Variants in ROBO2 observed in about 807,000 individuals in gnomAD.
ROBO2 encodes roundabout guidance receptor 2.
ROBO2 carries 53 observed loss-of-function variants against 160.8 expected under a neutral mutation model. The ratio of observed to expected loss-of-function variants is 0.33; its 90% CI spans 0.26 to 0.41. The LOEUF (loss-of-function observed/expected upper bound fraction) is 0.41. ROBO2 is among the 10% of genes least tolerant of loss of function. The pLI is 1.00. For synonymous variants in ROBO2, 664 were observed against 611.7 expected (o/e 1.09, Z -1.26); for missense variants, 1,577 against 1,722.4 (o/e 0.92, Z 1.49).
At chr3:76,436,268 G>A (rs142283345) in intron 2 of ROBO2, among the ~76,000 whole-genome samples, 1 of 152,076 alleles carries the variant, frequency 6.6e-6, no homozygotes, top group East Asian at 1.9e-4. Context: ...AGTTACATAT[G>A]TATACATGTG....
chr3:77,162,743 A>C (rs1293382040), intron 2 of ROBO2, among the ~76,000 whole-genome samples: 1 of 152,234 alleles, frequency 6.6e-6, no homozygotes, highest in Non-Finnish European at 1.5e-5. Context: ...TAAAGCATTG[A>C]GGCCTGCGTT....
chr3:77,578,768 CTG>C (rs1202870671), intron 15 of ROBO2, among the ~76,000 whole-genome samples: 11 of 151,992 alleles, frequency 7.2e-5, no homozygotes, highest in African/African-American at 2.7e-4. Flanking sequence ...ATTATCTACT[CTG>C]TGTGAGTTTG....
intron 2 of ROBO2, among the ~76,000 whole-genome samples, chr3:76,509,377 G>A (rs1033286203): frequency 2.0e-5 from 3 of 152,128 alleles, no homozygotes; most frequent in African/African-American, 4.8e-5. Flanking sequence ...ATGAGTGCCC[G>A]ACTTGGTTTT....
intron 2 of ROBO2, among the ~76,000 whole-genome samples, chr3:76,186,287 A>G (rs1188217068): frequency 6.6e-6 from 1 of 152,018 alleles, no homozygotes; most frequent in Non-Finnish European, 1.5e-5. Context: ...AGAAGAAGAA[A>G]AGGGGCAAGC....
At chr3:76,968,465 A>G (rs895687232) in intron 2 of ROBO2, among the ~76,000 whole-genome samples, 5 of 152,182 alleles carry the variant, frequency 3.3e-5, no homozygotes, top group African/African-American at 1.2e-4. Flanking sequence ...ATTTACATTA[A>G]TATAACATGC....
At chr3:76,156,565 A>G (rs1340705123) in intron 2 of ROBO2, among the ~76,000 whole-genome samples, 1 of 152,238 alleles carries the variant, frequency 6.6e-6, no homozygotes, top group Non-Finnish European at 1.5e-5. Flanking sequence ...AAAGGAGGCA[A>G]AAGGTACAAT....
intron 2 of ROBO2, among the ~76,000 whole-genome samples, chr3:76,313,111 T>A (rs6776413): frequency 6.6e-6 from 1 of 152,198 alleles, no homozygotes; most frequent in African/African-American, 2.4e-5. Flanking sequence ...ATATTTCATA[T>A]TGTTAAAAGA....
intron 2 of ROBO2, chr3:77,316,988 C>G: frequency 6.6e-7 from 1 of 1,513,216 alleles, no homozygotes; most frequent in Non-Finnish European, 9.2e-7. Flanking sequence ...ACGAGATTGA[C>G]AGCGGTCTCC....
At chr3:76,944,637 A>G (rs1029706414) in intron 2 of ROBO2, among the ~76,000 whole-genome samples, 3 of 152,206 alleles carry the variant, frequency 2.0e-5, no homozygotes, top group Admixed American at 2.0e-4. Flanking sequence ...TCTTAGGGCA[A>G]CATGAAATTG....
intron 20 of ROBO2, among the ~76,000 whole-genome samples, chr3:77,605,452 T>C (rs1274881102): frequency 1.3e-5 from 2 of 152,048 alleles, no homozygotes; most frequent in Non-Finnish European, 2.9e-5. Flanking sequence ...AGAAGTCAGG[T>C]GTGTTGATTT....
At chr3:77,019,328 G>A (rs567387623) in intron 2 of ROBO2, among the ~76,000 whole-genome samples, 2 of 152,068 alleles carry the variant, frequency 1.3e-5, no homozygotes, top group Non-Finnish European at 2.9e-5. Context: ...GCTCTGTGTG[G>A]CCTCTTTTAT....
chr3:77,169,692 G>T (rs1250056190), intron 2 of ROBO2, among the ~76,000 whole-genome samples: 1 of 152,106 alleles, frequency 6.6e-6, no homozygotes, highest in African/African-American at 2.4e-5. Flanking sequence ...TTTAGGTAAG[G>T]ACTGCCTTGA....
At chr3:75,943,344 T>C (rs548209023) in intron 2 of ROBO2, among the ~76,000 whole-genome samples, 14 of 152,274 alleles carry the variant, frequency 9.2e-5, no homozygotes, top group Admixed American at 9.2e-4. Context: ...GGTTTTCTCA[T>C]CCTCTGAAGC....
chr3:77,101,693 G>A (rs1295699107), intron 2 of ROBO2, among the ~76,000 whole-genome samples: 1 of 152,142 alleles, frequency 6.6e-6, no homozygotes, highest in East Asian at 1.9e-4. Context: ...GTATCAGAGT[G>A]ATAGAATATG....
At chr3:77,418,417 A>G (rs1221823471) in intron 2 of ROBO2, among the ~76,000 whole-genome samples, 1 of 152,140 alleles carries the variant, frequency 6.6e-6, no homozygotes, top group Non-Finnish European at 1.5e-5. Flanking sequence ...AGGTTTTTAA[A>G]TTAATCATGG....
At chr3:76,391,552 A>T (rs1048807029) in intron 2 of ROBO2, among the ~76,000 whole-genome samples, 2 of 151,000 alleles carry the variant, frequency 1.3e-5, no homozygotes, top group South Asian at 2.1e-4. Flanking sequence ...ATCTCGCTCC[A>T]TTGCCCAGGC....
chr3:76,724,153 C>A (rs2093509925), intron 2 of ROBO2, among the ~76,000 whole-genome samples: 1 of 152,080 alleles, frequency 6.6e-6, no homozygotes, highest in South Asian at 2.1e-4. Flanking sequence ...CAGCTTTTGT[C>A]CTTAGATGTT....
rs565052070 is a variant in ROBO2, at chr3:76,744,439, A to G, written c.110-353575A>G. Among the ~76,000 whole-genome samples the G allele has an allele frequency of 2.3e-4, 35 of 151,968 alleles. No homozygotes were observed. In the South Asian group the frequency reaches 7.3e-3, roughly 32 times the overall value. On this transcript the variant is annotated intron_variant, in intron 2 of 26. Coordinates refer to the ROBO2 transcript ENST00000487694. ...CAGTGGCACAATCATAGCTCACTAC[A>G]GCCTCCACCTCCTGGGCCCCCATGA...
intron 2 of ROBO2, among the ~76,000 whole-genome samples, chr3:77,299,027 A>C (rs1324821825): frequency 6.6e-6 from 1 of 152,316 alleles, no homozygotes; most frequent in East Asian, 1.9e-4. Flanking sequence ...TGAAAAAGGT[A>C]GAATTTAAAT....
Sources: gnomAD v4.1 joint callset for allele counts (sites outside exome capture counted in the v4.1 genomes callset) on GRCh38, gnomAD v4.1.1 for gene constraint, MANE v1.5 for transcripts, NCBI Gene and HGNC (gene_info 2026-07-23, HGNC 2026-07-21) for gene names.